PSMD5: variants seen among roughly 807,000 people sequenced by gnomAD.
PSMD5 encodes 26S proteasome non-ATPase regulatory subunit 5.
In PSMD5, 40 loss-of-function variants were observed where a neutral mutation model predicts 52.1. The ratio of observed to expected loss-of-function variants is 0.77; its 90% confidence interval spans 0.60 to 1.00. The LOEUF (loss-of-function observed/expected upper bound fraction) is 1.00, where lower values mean the gene tolerates loss of function less well. Ranked by LOEUF, PSMD5 falls within the 50% of genes least tolerant of loss-of-function variation. The pLI is 0.00. For missense variants in PSMD5, 575 were observed against 605.2 expected, an observed-to-expected ratio of 0.95 and a Z score of 0.52; for synonymous variants, 211 against 226.6, an observed-to-expected ratio of 0.93 and a Z score of 0.62.
At chr9:120,832,691 C>G (rs2045169927) in intron 2 of PSMD5, among the ~76,000 whole-genome samples, 1 of 152,230 alleles carries the variant, frequency 6.6e-6, no homozygotes, top group Non-Finnish European at 1.5e-5. Context: ...CCACTGTGCC[C>G]AGCGCCCTTT....
At chr9:120,821,493 T>A in intron 7 of PSMD5, 29 bp from the exon 8 acceptor site, 1 of 1,440,860 alleles carries the variant, frequency 6.9e-7, no homozygotes, top group Non-Finnish European at 9.5e-7. Context: ...AGATTCTTCT[T>A]TATTATGGTA....
intron 1 of PSMD5, among the ~76,000 whole-genome samples, chr9:120,835,272 A>T (rs1174517411): frequency 2.6e-5 from 4 of 152,226 alleles, no homozygotes; most frequent in African/African-American, 9.6e-5. Flanking sequence ...CATATAATGA[A>T]TATTATTCAG....
intron 1 of PSMD5, among the ~76,000 whole-genome samples, chr9:120,835,168 T>G (rs1314763107): frequency 6.6e-6 from 1 of 152,224 alleles, no homozygotes; most frequent in East Asian, 1.9e-4. Context: ...ATTGAAAACA[T>G]GCTATTTTCA....
chr9:120,832,182 A>G (rs1344571259), intron 2 of PSMD5, among the ~76,000 whole-genome samples: 2 of 152,234 alleles, frequency 1.3e-5, no homozygotes, highest in African/African-American at 4.8e-5. Context: ...TAGTTCAGTG[A>G]GTGAAAACAA....
rs16910145 is a variant in PSMD5 at position 120,825,159 on chromosome 9, T to C, written c.815-474A>G. On this transcript the variant is annotated intron_variant, in intron 6 of 9. Transcript: ENST00000210313. ...ACAGATAAAGACTCCCACTCAGAGA[T>C]GTGATTAATCTGTGAAACATACTGT... Among the ~76,000 whole-genome samples, 1,500 of 152,318 alleles carry C rather than the reference T, an allele frequency of 9.8e-3. 39 individuals are homozygous for C. Among genetic ancestry groups the C allele is most frequent in the African/African-American group, 0.034 (1,393 of 41,566 alleles).
At chr9:120,830,143 G>A (rs920331098) in intron 4 of PSMD5, among the ~76,000 whole-genome samples, 4 of 152,166 alleles carry the variant, frequency 2.6e-5, no homozygotes, top group South Asian at 2.1e-4. Context: ...TATGATGACC[G>A]AATGGATATG....
chr9:120,829,162 C>T lies in PSMD5; in HGVS notation c.608G>A (p.Cys203Tyr). The T allele has an allele frequency of 6.2e-7, 1 of 1,605,692 alleles. No homozygotes were observed. Among genetic ancestry groups the T allele is most frequent in the Non-Finnish European group, 8.5e-7 (1 of 1,175,988 alleles). ...CTGGGTTACCAATCCACTTGTGGTA[C>T]AGTAGTTTAAAGATTCTGGTGACAC... ...SSVSPESLNY[C>Y]TTSGLVTQLL... The change falls in exon 5 of 10, where the codon TGT (cysteine) becomes TAT (tyrosine). Residue 203 changes from cysteine to tyrosine, a missense_variant. Transcript: ENST00000210313.
Position 120,842,736 on chromosome 9 carries a change from C to G in PSMD5, c.173+1G>C. 1 of 1,613,304 alleles carries G rather than the reference C, an allele frequency of 6.2e-7. No homozygotes were observed. ...GGCTCAAGCCCCCGGGGTCCTCTCA[C>G]CTATGGTTCTCGTTAAGCAGGGAGA... is the stretch of plus-strand genomic sequence containing the variant. On this transcript the variant is annotated splice_donor_variant, in intron 1 of 9. Transcript: ENST00000210313. LOFTEE classifies it high-confidence loss of function.
chr9:120,836,673 A>G (rs1035686436), intron 1 of PSMD5, among the ~76,000 whole-genome samples: 1 of 152,162 alleles, frequency 6.6e-6, no homozygotes, highest in Admixed American at 6.5e-5. Context: ...CTGGGATTAC[A>G]GGTGTGAGCC....
At chr9:120,835,915 A>G (rs1259968895) in intron 1 of PSMD5, among the ~76,000 whole-genome samples, 2 of 152,082 alleles carry the variant, frequency 1.3e-5, no homozygotes, top group East Asian at 1.9e-4. Flanking sequence ...GAATAAGTAC[A>G]TTCACTTTGT....
intron 1 of PSMD5, 27 bp from the exon 2 acceptor site, chr9:120,833,483 AG>A: frequency 6.2e-7 from 1 of 1,605,330 alleles, no homozygotes; most frequent in Non-Finnish European, 8.5e-7. Context: ...AAATCTTATT[AG>A]TTCATATCCT....
intron 9 of PSMD5, among the ~76,000 whole-genome samples, chr9:120,819,729 G>A (rs928853958): frequency 1.3e-5 from 2 of 152,164 alleles, no homozygotes; most frequent in Admixed American, 6.5e-5. Context: ...CTAGCTGCTC[G>A]GGAGGCTGAG....
chr9:120,832,287 G>A (rs1357358450), intron 2 of PSMD5, among the ~76,000 whole-genome samples: 2 of 151,930 alleles, frequency 1.3e-5, no homozygotes, highest in East Asian at 1.9e-4. Flanking sequence ...TTAATTCCAG[G>A]ATAGTTACGA....
intron 3 of PSMD5, 107 bp from the exon 4 acceptor site, chr9:120,831,566 A>AGCTATTATT (rs2045160462): frequency 7.4e-7 from 1 of 1,345,376 alleles, no homozygotes. Flanking sequence ...CCCATGTTTT[A>AGCTATTATT]GCTATTATTT....
At chr9:120,827,577 CA>C (rs2045131205) in intron 5 of PSMD5, among the ~76,000 whole-genome samples, 1 of 152,040 alleles carries the variant, frequency 6.6e-6, no homozygotes, top group African/African-American at 2.4e-5. Context: ...TTCTATGTCA[CA>C]AAATTTGATA....
At position 120,821,399 on chromosome 9, in the gene PSMD5, T is replaced by G; in HGVS notation, c.1072A>C (p.Lys358Gln). ...GAAATTGCATCCAAACATCTAATTTTTAGCTCCACTGGGGCATTCTTTGAT... is the reference window on the plus strand; with the variant it reads ...GAAATTGCATCCAAACATCTAATTTGTAGCTCCACTGGGGCATTCTTTGAT... ...HQSKNAPVEL[K>Q]IRCLDAISSL... The change falls in exon 8 of 10, where the codon AAA becomes CAA. Residue 358 changes from lysine (K) to glutamine (Q), a missense_variant. Physicochemically the swap from Lys to Gln is moderately conservative, Grantham distance 53. Transcript: ENST00000210313. The G allele has an allele frequency of 6.2e-7, 1 of 1,608,214 alleles. No homozygotes were observed. Among genetic ancestry groups the G allele is most frequent in the South Asian group, 1.1e-5 (1 of 90,268 alleles).
rs527907749 is a variant in PSMD5 at position 120,839,739 on chromosome 9, G to T, written c.173+2998C>A. On this transcript the variant is annotated intron_variant, in intron 1 of 9. Transcript: ENST00000210313. Reference sequence around the variant, plus strand: ...TGATCAAATTATCAAATACAAAGTGGTTTTTTTTTCCTTTTTTTCCCCAGA... The same window carrying T: ...TGATCAAATTATCAAATACAAAGTGTTTTTTTTTTCCTTTTTTTCCCCAGA... Among the ~76,000 whole-genome samples, 26 of 142,790 alleles carry T rather than the reference G, an allele frequency of 1.8e-4. No homozygotes were observed. In the East Asian group the frequency reaches 2.7e-3, roughly 15 times the overall value. 93.7% of individuals were successfully genotyped at this position (142,790 alleles called of 152,430 possible). A position where few individuals can be genotyped will look rare whatever the true frequency, so the allele number is the denominator to read the frequency against.
In PSMD5 at chr9:120,826,916, T is replaced by C. The variant is rs118159860; in HGVS notation, c.672-9A>G. The C allele has an allele frequency of 1.2e-6, 2 of 1,605,224 alleles. No individual in the cohort carries two copies. The highest frequency in any genetic ancestry group is 1.7e-6 in the Non-Finnish European group (2 of 1,175,594). The stretch of plus-strand genomic sequence containing the variant: ...TTTCTATACAGGTGGCTCTAAAATG[T>C]CAGAAGGACAAAAACAAGGAGATTT... On this transcript the variant is annotated splice_polypyrimidine_tract_variant and intron_variant, in intron 5 of 9. Coordinates refer to ENST00000210313, the MANE Select transcript of PSMD5 (RefSeq NM_005047.4).
At chr9:120,819,281 T>C (rs1192064111) in intron 9 of PSMD5, among the ~76,000 whole-genome samples, 1 of 152,218 alleles carries the variant, frequency 6.6e-6, no homozygotes, top group African/African-American at 2.4e-5. Flanking sequence ...AACTACTGAA[T>C]TAGAATCTAC....
Sources: gnomAD v4.1 joint callset for allele counts (sites outside exome capture counted in the v4.1 genomes callset) on GRCh38, gnomAD v4.1.1 for gene constraint, MANE v1.5 for transcripts, NCBI Gene and HGNC (gene_info 2026-07-23, HGNC 2026-07-21) for gene names.